Variants in GALNTL6 observed in about 807,000 individuals in gnomAD.
The protein encoded by GALNTL6 is polypeptide N-acetylgalactosaminyltransferase like 6, also known as polypeptide N-acetylgalactosaminyltransferase-like 6.
A neutral mutation model predicts 73.7 loss-of-function variants in GALNTL6; 46 were observed. The observed-to-expected ratio is 0.62, with a 90% CI of 0.49 to 0.80. The LOEUF (loss-of-function observed/expected upper bound fraction) is 0.80, where lower values mean the gene tolerates loss of function less well. Among genes scored for constraint, GALNTL6 ranks in the 30% least tolerant of loss-of-function variants. The pLI is 0.00. For synonymous variants in GALNTL6, 259 were observed against 263.7 expected, an observed-to-expected ratio of 0.98 and a Z score of 0.17; for missense variants, 604 against 755.0, an observed-to-expected ratio of 0.80 and a Z score of 2.34.
intron 5 of GALNTL6, among the ~76,000 whole-genome samples, chr4:172,678,097 TA>T (rs1445413294): frequency 6.6e-6 from 1 of 152,192 alleles, no homozygotes; most frequent in Non-Finnish European, 1.5e-5. Context: ...TAGACATTTT[TA>T]ATCTCATAAT....
intron 2 of GALNTL6, among the ~76,000 whole-genome samples, chr4:171,898,756 G>A (rs1736997969): frequency 6.6e-6 from 1 of 151,856 alleles, no homozygotes; most frequent in Non-Finnish European, 1.5e-5. Flanking sequence ...TTTTATTTTT[G>A]TGGGGTTCTA....
At chr4:172,498,408 A>G (rs1734145500) in intron 5 of GALNTL6, among the ~76,000 whole-genome samples, 1 of 152,154 alleles carries the variant, frequency 6.6e-6, no homozygotes. Context: ...AAAATTTTAT[A>G]CTAAAATAAA....
In GALNTL6 at chr4:172,400,665, A is replaced by G. The variant is rs548708890; in HGVS notation, c.553+51976A>G. ...ATAGAGGAGCAGGAGAAGTGAAGTC[A>G]TGGAGATGGGAGGAGAGCAAGACTC... On this transcript the variant is annotated intron_variant, in intron 5 of 12. Transcript: ENST00000506823. 2.0e-5 allele frequency among the ~76,000 whole-genome samples: 3 copies of G among 152,198 alleles called. No homozygotes were observed. In the South Asian group the frequency reaches 6.2e-4, roughly 32 times the overall value.
At chr4:172,863,807 T>C (rs1393247818) in intron 7 of GALNTL6, among the ~76,000 whole-genome samples, 1 of 152,162 alleles carries the variant, frequency 6.6e-6, no homozygotes, top group Admixed American at 6.5e-5. Flanking sequence ...AAATGAGATT[T>C]GGGAGGAGCC....
At chr4:172,007,464 C>T (rs992327763) in intron 2 of GALNTL6, among the ~76,000 whole-genome samples, 2 of 151,942 alleles carry the variant, frequency 1.3e-5, no homozygotes, top group African/African-American at 4.8e-5. Context: ...AAAAAGAATA[C>T]AGAATATTTT....
chr4:172,625,935 T>C (rs1255411646), intron 5 of GALNTL6, among the ~76,000 whole-genome samples: 1 of 152,136 alleles, frequency 6.6e-6, no homozygotes, highest in Non-Finnish European at 1.5e-5. Context: ...GTTGGATGCA[T>C]AGTTTGCAAA....
At position 172,182,004 on chromosome 4, in the gene GALNTL6, A is replaced by G. The variant is rs1735262205; in HGVS notation, c.139-47652A>G. On this transcript the variant is annotated intron_variant, in intron 2 of 12. Transcript: ENST00000506823. ...AGTGCTGGGATTACAGGAGTGAGCC[A>G]CCGCGCCCGGCCTTCAGCCCCAAAT... 1.3e-5 allele frequency among the ~76,000 whole-genome samples: 2 copies of G among 152,156 alleles called. 1 individual carries two copies. The highest frequency in any genetic ancestry group is 4.1e-4 in the South Asian group (2 of 4,828).
chr4:172,166,687 T>A (rs1269227182), intron 2 of GALNTL6, among the ~76,000 whole-genome samples: 1 of 152,208 alleles, frequency 6.6e-6, no homozygotes, highest in Non-Finnish European at 1.5e-5. Flanking sequence ...GATGTTGATC[T>A]TCCTTAAAAT....
intron 5 of GALNTL6, among the ~76,000 whole-genome samples, chr4:172,579,242 T>C (rs1300696798): frequency 3.3e-5 from 5 of 152,216 alleles, no homozygotes; most frequent in African/African-American, 4.8e-5. Context: ...TACTTTGCAC[T>C]AGGTAATTTT....
intron 2 of GALNTL6, among the ~76,000 whole-genome samples, chr4:172,200,565 C>T (rs556564239): frequency 1.3e-5 from 2 of 152,150 alleles, no homozygotes; most frequent in East Asian, 1.9e-4. Flanking sequence ...CATTTGAAAC[C>T]GTGCACTGAT....
chr4:173,004,186 G>GA lies in GALNTL6; in HGVS notation c.1372-4982dup, dbSNP rs199537245. Reference sequence around the variant, plus strand: ...GCAACAGAGCAAGACCCTATCTCTTGAAAAAAAAAATGAGGTTATAGGGAA... The same window carrying GA: ...GCAACAGAGCAAGACCCTATCTCTTGAAAAAAAAAAATGAGGTTATAGGGAA... On this transcript the variant is annotated intron_variant, in intron 10 of 12. Transcript: ENST00000506823. Among the ~76,000 whole-genome samples, 1,136 of 148,614 alleles carry GA rather than the reference G, an allele frequency of 7.6e-3. 22 individuals carry two copies. The highest frequency in any genetic ancestry group is 0.026 in the African/African-American group (1,048 of 40,546).
intron 5 of GALNTL6, among the ~76,000 whole-genome samples, chr4:172,570,954 GT>G (rs1181306685): frequency 6.6e-6 from 1 of 152,084 alleles, no homozygotes; most frequent in Non-Finnish European, 1.5e-5. Flanking sequence ...GTTTGTGCTC[GT>G]ATGAGCATCT....
rs554499701 is a variant in GALNTL6 at position 172,433,283 on chromosome 4, A to G, written c.553+84594A>G. 9.9e-5 allele frequency among the ~76,000 whole-genome samples: 15 copies of G among 152,160 alleles called. No individual in the cohort carries two copies. In the East Asian group the frequency reaches 2.7e-3, roughly 27 times the overall value. ...TTAAGCATGAGCATTTTTTTAATGG[A>G]AAGAAAGCTTGTCTAAAGGGTAAAT... is the stretch of plus-strand genomic sequence containing the variant. On this transcript the variant is annotated intron_variant, in intron 5 of 12. Transcript: ENST00000506823.
chr4:173,027,681 T>C (rs2126528120), intron 12 of GALNTL6, among the ~76,000 whole-genome samples: 1 of 152,338 alleles, frequency 6.6e-6, no homozygotes, highest in African/African-American at 2.4e-5. Flanking sequence ...TTTCAACCTT[T>C]TATAGGATAT....
chr4:172,767,569 T>G (rs1207248735), intron 5 of GALNTL6, among the ~76,000 whole-genome samples: 2 of 152,098 alleles, frequency 1.3e-5, no homozygotes, highest in Non-Finnish European at 2.9e-5. Flanking sequence ...TTTAAGGTAG[T>G]TTAAAATTCT....
chr4:171,898,345 T>C (rs1186687809), intron 2 of GALNTL6, among the ~76,000 whole-genome samples: 1 of 152,158 alleles, frequency 6.6e-6, no homozygotes, highest in Admixed American at 6.5e-5. Flanking sequence ...TTCAACAATC[T>C]TATTCCTAGG....
chr4:172,209,165 TCA>T (rs1351814303), intron 2 of GALNTL6, among the ~76,000 whole-genome samples: 2 of 152,078 alleles, frequency 1.3e-5, no homozygotes, highest in African/African-American at 4.8e-5. Flanking sequence ...GTGTCAAAAC[TCA>T]CAAATAATTT....
At chr4:172,949,589 G>A (rs1459152) in intron 9 of GALNTL6, among the ~76,000 whole-genome samples, 62,540 of 150,656 alleles carry the variant, frequency 0.42, 13,015 homozygotes, top group East Asian at 0.48. Flanking sequence ...TTATCAACTA[G>A]TTTTTTTTTA....
At chr4:172,693,872 C>G (rs1402187040) in intron 5 of GALNTL6, among the ~76,000 whole-genome samples, 1 of 152,224 alleles carries the variant, frequency 6.6e-6, no homozygotes, top group African/African-American at 2.4e-5. Context: ...GATGAACCCT[C>G]TGTGGCTTTT....
Sources: allele counts gnomAD v4.1 joint callset (sites outside exome capture counted in the v4.1 genomes callset), GRCh38; gene constraint gnomAD v4.1.1; transcripts MANE v1.5; gene names NCBI Gene and HGNC (gene_info 2026-07-23, HGNC 2026-07-21).